MLLT3: variants seen among roughly 807,000 people sequenced by gnomAD.
The protein encoded by MLLT3 is MLLT3 super elongation complex subunit, also known as protein AF-9.
In MLLT3, 4 loss-of-function variants were observed where a neutral mutation model predicts 53.2. The observed-to-expected ratio is 0.08, with a 90% CI of 0.04 to 0.17. The LOEUF is 0.17. Among genes scored for constraint, MLLT3 ranks in the 10% least tolerant of loss-of-function variants. MLLT3 has a pLI of 1.00. For missense variants in MLLT3, 569 were observed against 684.0 expected, an observed-to-expected ratio of 0.83 and a Z score of 1.87; for synonymous variants, 283 against 230.6, an observed-to-expected ratio of 1.23 and a Z score of -2.06.
rs555986956 is a variant in MLLT3, at chr9:20,621,280, G to C, written c.13-446C>G. On this transcript the variant is annotated intron_variant, in intron 1 of 10. Transcript: ENST00000380338. The surrounding 1 kb of genome is among the most constrained non-coding windows in gnomAD (Gnocchi z 7.0). ...GCCCCCTCCCCGAAAGTACCGCGGC[G>C]ACAGGCACACGCCGAGGAAGTCTTT... 8.5e-5 allele frequency among the ~76,000 whole-genome samples: 13 copies of C among 152,310 alleles called. No individual in the cohort carries two copies. The South Asian group carries it at 2.7e-3, about 32-fold the overall frequency.
At chr9:20,353,458 A>G in intron 10 of MLLT3, 67 bp downstream of exon 10, 1 of 1,348,620 alleles carries the variant, frequency 7.4e-7, no homozygotes, top group Non-Finnish European at 1.1e-6. Context: ...AGGTGCTATC[A>G]CACTACTGCA....
intron 6 of MLLT3, among the ~76,000 whole-genome samples, chr9:20,364,223 C>T (rs1467940188): frequency 3.9e-5 from 6 of 152,030 alleles, no homozygotes; most frequent in Non-Finnish European, 8.8e-5. Context: ...AAATTACTGG[C>T]ACAATACCAG....
chr9:20,457,643 C>A (rs553614391), intron 2 of MLLT3, among the ~76,000 whole-genome samples: 20 of 152,160 alleles, frequency 1.3e-4, no homozygotes, highest in Admixed American at 1.1e-3. Context: ...TTCACCCACC[C>A]AAAAGGAATG....
chr9:20,469,014 TTAAA>T (rs1187445542), intron 2 of MLLT3, among the ~76,000 whole-genome samples: 1 of 152,124 alleles, frequency 6.6e-6, no homozygotes, highest in East Asian at 1.9e-4. Context: ...TATTAGACCA[TTAAA>T]TAAAGGAATA....
rs543672849 is a variant in MLLT3, at chr9:20,346,379, C to CAAAAAAAAAAAAAAACAAAAAA, written c.*63_*64insTTTTTTGTTTTTTTTTTTTTTT. ...AACAACAAGAACAAAAAATCACAAC[C>CAAAAAAAAAAAAAAACAAAAAA]AAAAAAAAAAAAAACCAAAAAAAAA... On this transcript the variant is annotated 3_prime_UTR_variant, in exon 11 of 11. Coordinates refer to ENST00000380338, the MANE Select transcript of MLLT3 (RefSeq NM_004529.4). 10 of 985,688 alleles carry CAAAAAAAAAAAAAAACAAAAAA rather than the reference C, an allele frequency of 1.0e-5. No individual in the cohort carries two copies. Among genetic ancestry groups the CAAAAAAAAAAAAAAACAAAAAA allele is most frequent in the African/African-American group, 5.1e-5 (2 of 39,008 alleles). The allele number at this position is 985,688 out of a possible 1,614,324, so 61.1% of individuals were successfully genotyped here.
Position 20,342,371 on chromosome 9 carries a change from C to A in MLLT3, c.*4072G>T. 1 of 224,356 alleles carries A rather than the reference C, an allele frequency of 4.5e-6. No homozygotes were observed. The highest frequency in any genetic ancestry group is 1.8e-4 in the South Asian group (1 of 5,434). The allele number at this position is 224,356 out of a possible 1,614,324, so 13.9% of individuals were successfully genotyped here. On this transcript the variant is annotated 3_prime_UTR_variant, in exon 11 of 11. Coordinates refer to ENST00000380338, the MANE Select transcript of MLLT3 (RefSeq NM_004529.4). ...GTATCTTTCAACATAACTACACATA[C>A]ACAGTCCATTAAAAAGATACTGACA... is the stretch of plus-strand genomic sequence containing the variant.
intron 4 of MLLT3, among the ~76,000 whole-genome samples, chr9:20,437,564 A>C (rs900362037): frequency 1.3e-5 from 2 of 152,150 alleles, no homozygotes; most frequent in East Asian, 1.9e-4. Flanking sequence ...TTCTCTCAAG[A>C]GTAGGAACAG....
chr9:20,462,379 G>T (rs1401164893), intron 2 of MLLT3, among the ~76,000 whole-genome samples: 2 of 152,082 alleles, frequency 1.3e-5, no homozygotes, highest in African/African-American at 2.4e-5. Context: ...ATGTTGAGTT[G>T]TTCTCACCTT....
At chr9:20,402,395 G>A (rs1336279151) in intron 5 of MLLT3, among the ~76,000 whole-genome samples, 4 of 152,134 alleles carry the variant, frequency 2.6e-5, no homozygotes. Flanking sequence ...GTTGCAGGGA[G>A]GTATGTTTGG....
intron 2 of MLLT3, among the ~76,000 whole-genome samples, chr9:20,589,351 A>T (rs1254897840): frequency 1.3e-5 from 2 of 149,534 alleles, no homozygotes; most frequent in Non-Finnish European, 3.0e-5. Flanking sequence ...ACCAAACGCC[A>T]CATATTCTCA....
chr9:20,408,449 G>A (rs992335772), intron 5 of MLLT3, among the ~76,000 whole-genome samples: 2 of 151,922 alleles, frequency 1.3e-5, no homozygotes, highest in African/African-American at 4.8e-5. Context: ...ACCCAACAAA[G>A]TTAACTTTTG....
intron 2 of MLLT3, among the ~76,000 whole-genome samples, chr9:20,568,241 T>C (rs905719869): frequency 6.6e-6 from 1 of 152,108 alleles, no homozygotes; most frequent in African/African-American, 2.4e-5. Flanking sequence ...GATGGTGGTA[T>C]TGATGACACA....
At chr9:20,559,241 C>T (rs1363632126) in intron 2 of MLLT3, among the ~76,000 whole-genome samples, 1 of 152,016 alleles carries the variant, frequency 6.6e-6, no homozygotes, top group African/African-American at 2.4e-5. Flanking sequence ...TATTTGTGTT[C>T]CTAAAGAGAG....
chr9:20,409,087 G>A (rs1822659327), intron 5 of MLLT3, among the ~76,000 whole-genome samples: 1 of 152,190 alleles, frequency 6.6e-6, no homozygotes, highest in Non-Finnish European at 1.5e-5. Flanking sequence ...GCTGCAGGCT[G>A]AAGGATGTAA....
At chr9:20,423,074 T>G (rs1460205690) in intron 4 of MLLT3, among the ~76,000 whole-genome samples, 1 of 152,298 alleles carries the variant, frequency 6.6e-6, no homozygotes, top group Non-Finnish European at 1.5e-5. Context: ...ACTTCTTTTC[T>G]TTGGAGATGG....
At chr9:20,558,602 G>C (rs1819122274) in intron 2 of MLLT3, among the ~76,000 whole-genome samples, 1 of 152,168 alleles carries the variant, frequency 6.6e-6, no homozygotes. Context: ...AAACTCAGCT[G>C]AGATATTTGT....
chr9:20,577,483 AC>A (rs1038903485), intron 2 of MLLT3, among the ~76,000 whole-genome samples: 13 of 152,134 alleles, frequency 8.5e-5, no homozygotes, highest in Middle Eastern at 3.2e-3. Context: ...TAACCCATGT[AC>A]CTTTTCAACA....
At chr9:20,582,854 T>C (rs998128296) in intron 2 of MLLT3, among the ~76,000 whole-genome samples, 8 of 152,290 alleles carry the variant, frequency 5.3e-5, no homozygotes, top group African/African-American at 1.9e-4. Flanking sequence ...GGAAATACAA[T>C]TCAAATTGAG....
At position 20,444,451 on chromosome 9, in the gene MLLT3, G is replaced by C. The variant is rs559529188; in HGVS notation, c.420+3672C>G. Among the ~76,000 whole-genome samples the C allele has an allele frequency of 4.0e-5, 6 of 151,880 alleles. No homozygotes were observed. In the South Asian group the frequency reaches 1.0e-3, roughly 26 times the overall value. ...CCAATCAAAGAATAAAGATCTCAAA[G>C]GAAATATCCTCCCTTAATATAATAA... On this transcript the variant is annotated intron_variant, in intron 4 of 10. Coordinates refer to ENST00000380338, the MANE Select transcript of MLLT3 (RefSeq NM_004529.4).
Sources: allele counts gnomAD v4.1 joint callset (sites outside exome capture counted in the v4.1 genomes callset), GRCh38; gene constraint gnomAD v4.1.1; non-coding constraint Gnocchi (gnomAD v3.1); transcripts MANE v1.5; gene names NCBI Gene and HGNC (gene_info 2026-07-23, HGNC 2026-07-21).